Variants in DIAPH2 observed in about 807,000 individuals in gnomAD.
DIAPH2 encodes the protein protein diaphanous homolog 2.
Under a neutral mutation model 92.7 loss-of-function variants are expected in DIAPH2, and 35 were observed. The ratio of observed to expected loss-of-function variants is 0.38; its 90% confidence interval spans 0.29 to 0.50. DIAPH2 has a LOEUF of 0.50. Among genes scored for constraint, DIAPH2 ranks in the 20% least tolerant of loss-of-function variants. DIAPH2 has a pLI of 0.94. For synonymous variants in DIAPH2, 301 were observed against 280.4 expected (o/e 1.07, Z -0.73); for missense variants, 701 against 819.5 (o/e 0.86, Z 1.77).
chrX:96,804,440 T>C (rs1487508157), intron 4 of DIAPH2, among the ~76,000 whole-genome samples: 1 of 112,143 alleles, frequency 8.9e-6, no homozygotes, highest in Non-Finnish European at 1.9e-5. Context: ...TAGAAAGAAG[T>C]GTTTTATTAA....
chrX:96,829,923 GT>G (rs1403967948), intron 4 of DIAPH2, among the ~76,000 whole-genome samples: 16 of 107,572 alleles, frequency 1.5e-4, no homozygotes, highest in African/African-American at 5.4e-4. Context: ...ACAACATGAT[GT>G]GTATTTTTAT....
intron 22 of DIAPH2, among the ~76,000 whole-genome samples, chrX:97,201,642 A>C (rs6620240): frequency 1.3e-3 from 138 of 109,836 alleles, no homozygotes; most frequent in African/African-American, 4.4e-3. Context: ...AGGAATGAAC[A>C]AACCCTCCAA....
rs765600247 is a variant in DIAPH2, at chrX:97,439,414, A to T, written c.3241+9669A>T. On this transcript the variant is annotated intron_variant, in intron 26 of 26. Coordinates refer to ENST00000324765, the MANE Select transcript of DIAPH2 (RefSeq NM_006729.5). ...ATAGTGAAACCACATCTCTACTAAA[A>T]ATACAAAAATTAGCTGGGCGTGGTG... Among the ~76,000 whole-genome samples, 12 of 110,476 alleles carry T rather than the reference A, an allele frequency of 1.1e-4. No individual in the cohort carries two copies. The South Asian group carries it at 1.2e-3, about 11-fold the overall frequency.
chrX:96,829,604 C>T (rs779905502), intron 4 of DIAPH2, among the ~76,000 whole-genome samples: 1 of 110,402 alleles, frequency 9.1e-6, no homozygotes, highest in South Asian at 3.9e-4. Context: ...AGTGAATCTC[C>T]TGTCTCAGCC....
At chrX:97,370,508 G>GT (rs1043084318) in intron 24 of DIAPH2, among the ~76,000 whole-genome samples, 7 of 112,086 alleles carry the variant, frequency 6.2e-5, no homozygotes, top group Non-Finnish European at 1.3e-4. Context: ...AGGTGTAACT[G>GT]TTTTTTAAAG....
chrX:97,399,896 G>A (rs1207045418), intron 25 of DIAPH2, among the ~76,000 whole-genome samples: 1 of 112,451 alleles, frequency 8.9e-6, no homozygotes, highest in African/African-American at 3.2e-5. Context: ...ACACCCAGAT[G>A]TGGAGTTTAG....
At chrX:96,892,869 A>C (rs1429406729) in intron 5 of DIAPH2, among the ~76,000 whole-genome samples, 2 of 111,444 alleles carry the variant, frequency 1.8e-5, no homozygotes, top group Non-Finnish European at 3.8e-5. Flanking sequence ...CATCTAAAAT[A>C]ATTAGAAACA....
chrX:97,425,497 G>C (rs2070052844), intron 25 of DIAPH2, among the ~76,000 whole-genome samples: 1 of 111,311 alleles, frequency 9.0e-6, no homozygotes, highest in Admixed American at 9.6e-5. Flanking sequence ...CATCATGGTA[G>C]GGTGCAGTGG....
chrX:97,464,648 A>G (rs1799850453), intron 26 of DIAPH2, among the ~76,000 whole-genome samples: 1 of 111,430 alleles, frequency 9.0e-6, no homozygotes, highest in African/African-American at 3.3e-5. Flanking sequence ...TCACATGGTG[A>G]TAGGACTGTC....
At chrX:97,384,177 C>A (rs1047148072) in intron 25 of DIAPH2, 133 bp downstream of exon 25, 3 of 547,837 alleles carry the variant, frequency 5.5e-6, no homozygotes, top group African/African-American at 2.3e-5. Context: ...AAATTTCTCT[C>A]ATGATGCTAT....
At chrX:97,356,795 T>TA (rs760858204) in intron 24 of DIAPH2, among the ~76,000 whole-genome samples, 1,579 of 109,636 alleles carry the variant, frequency 0.014, 18 homozygotes, top group African/African-American at 0.048. Context: ...CCTAACATGA[T>TA]AAAAAAAAAT....
At chrX:96,725,393 A>G (rs904247953) in intron 1 of DIAPH2, among the ~76,000 whole-genome samples, 15 of 112,440 alleles carry the variant, frequency 1.3e-4, no homozygotes, top group Admixed American at 1.1e-3. Flanking sequence ...TGAGTAATTT[A>G]TAATATTAAA....
chrX:97,094,050 G>C (rs757180744), intron 19 of DIAPH2, among the ~76,000 whole-genome samples: 8 of 111,766 alleles, frequency 7.2e-5, no homozygotes, highest in Non-Finnish European at 1.3e-4. Context: ...TGCCAGTTCT[G>C]TTGGCAGAAT....
intron 22 of DIAPH2, among the ~76,000 whole-genome samples, chrX:97,164,317 C>A (rs981708005): frequency 8.9e-6 from 1 of 111,855 alleles, no homozygotes; most frequent in Non-Finnish European, 1.9e-5. Context: ...ACAGGTCATA[C>A]AACTGTACTT....
At chrX:96,692,570 A>G (rs2063803356) in intron 1 of DIAPH2, among the ~76,000 whole-genome samples, 1 of 112,115 alleles carries the variant, frequency 8.9e-6, no homozygotes, top group Non-Finnish European at 1.9e-5. Context: ...CTGTAGAAGT[A>G]TCTGGAAAGG....
At chrX:97,492,156 C>T (rs987692342) in intron 26 of DIAPH2, among the ~76,000 whole-genome samples, 7 of 111,452 alleles carry the variant, frequency 6.3e-5, no homozygotes, top group African/African-American at 2.0e-4. Flanking sequence ...TTGTAGTATC[C>T]GGGCTGGGCA....
chrX:97,264,808 A>C (rs774421433), intron 23 of DIAPH2, among the ~76,000 whole-genome samples: 26 of 111,252 alleles, frequency 2.3e-4, no homozygotes, highest in Non-Finnish European at 2.6e-4. Context: ...AGATGGTGAA[A>C]CCTCATCTCT....
chrX:96,863,656 C>T (rs1404674239), intron 4 of DIAPH2, among the ~76,000 whole-genome samples: 1 of 110,007 alleles, frequency 9.1e-6, no homozygotes, highest in Non-Finnish European at 1.9e-5. Flanking sequence ...CATTTTTTAC[C>T]TAATTGAAAC....
At chrX:97,500,557 G>C (rs1362624743) in intron 26 of DIAPH2, among the ~76,000 whole-genome samples, 1 of 109,438 alleles carries the variant, frequency 9.1e-6, no homozygotes, top group Non-Finnish European at 1.9e-5. Flanking sequence ...GGGCCAGACT[G>C]ATTATCCTAA....
Sources: gnomAD v4.1 joint callset for allele counts (sites outside exome capture counted in the v4.1 genomes callset) on GRCh38, gnomAD v4.1.1 for gene constraint, MANE v1.5 for transcripts, NCBI Gene and HGNC (gene_info 2026-07-23, HGNC 2026-07-21) for gene names.